EVC: variants seen among roughly 807,000 people sequenced by gnomAD.
EVC encodes evC complex member EVC.
In EVC, 116 loss-of-function variants were observed where a neutral mutation model predicts 118.9. The observed-to-expected ratio is 0.98, with a 90% confidence interval of 0.84 to 1.14. The LOEUF is 1.14. Among genes scored for constraint, EVC ranks in the 50% most tolerant of loss-of-function variants. The pLI is 0.00. For synonymous variants in EVC, 619 were observed against 534.7 expected (o/e 1.16, Z -2.18); for missense variants, 1,401 against 1,246.4 (o/e 1.12, Z -1.87).
At chr4:5,821,029 C>G in the EVC span, 5 of 152,256 alleles carry the variant, frequency 3.3e-5, no homozygotes, top group African/African-American at 1.2e-4. This position sits in a 1 kb window ranked among gnomAD's most constrained non-coding sequence, Gnocchi z 4.4. Context: ...GAGTGTGAAC[C>G]TGGCTCGGCC....
rs1717008031 is a variant in EVC at position 5,812,130 on chromosome 4, C to T, written c.*1093C>T. 1 of 143,798 alleles carries T rather than the reference C, an allele frequency of 7.0e-6. No individual in the cohort carries two copies. The highest frequency in any genetic ancestry group is 2.1e-4 in the East Asian group (1 of 4,820). 8.9% of individuals were successfully genotyped at this position (143,798 alleles called of 1,614,324 possible). A position where few individuals can be genotyped will look rare whatever the true frequency, so the allele number is the denominator to read the frequency against. On this transcript the variant is annotated 3_prime_UTR_variant, in exon 21 of 21. Transcript: ENST00000264956. Reference sequence around the variant, plus strand: ...GAGGCCTTTCCCACCTGGAGAGAAACTTCCAGACCAGCCCCTCATACCACA... The same window carrying T: ...GAGGCCTTTCCCACCTGGAGAGAAATTTCCAGACCAGCCCCTCATACCACA...
Position 5,810,216 on chromosome 4 carries a change from C to A in EVC, c.2783-123C>A, listed in dbSNP as rs566085706. 188 of 768,758 alleles carry A rather than the reference C, an allele frequency of 2.4e-4. 2 individuals carry two copies. The African/African-American group carries it at 3.0e-3, about 12-fold the overall frequency. The allele number at this position is 768,758 out of a possible 1,614,324, so 47.6% of individuals were successfully genotyped here. On this transcript the variant is annotated intron_variant, in intron 19 of 20. Transcript: ENST00000264956. Reference sequence around the variant, plus strand: ...GAGTGGCTGCAATAGCATAAGATACCAAGCATACACTTGGCCCACACAACA... The same window carrying A: ...GAGTGGCTGCAATAGCATAAGATACAAAGCATACACTTGGCCCACACAACA...
chr4:5,796,477 T>G (rs1713985995), intron 13 of EVC, among the ~76,000 whole-genome samples: 1 of 152,060 alleles, frequency 6.6e-6, no homozygotes, highest in African/African-American at 2.4e-5. Flanking sequence ...TGTTGGAATT[T>G]AGCTGATTCT....
At position 5,739,132 on chromosome 4, in the gene EVC, C is replaced by T. The variant is rs991325553; in HGVS notation, c.703-2584C>T. Among the ~76,000 whole-genome samples, 72 of 152,056 alleles carry T rather than the reference C, an allele frequency of 4.7e-4. 1 individual carries two copies. The highest frequency in any genetic ancestry group is 1.6e-3 in the African/African-American group (65 of 41,398). Reference sequence around the variant, plus strand: ...TGGTATGCTTGTATTATTTTTGTACCTTCATTTGAATCTATAACTATCTCA... The same window carrying T: ...TGGTATGCTTGTATTATTTTTGTACTTTCATTTGAATCTATAACTATCTCA... On this transcript the variant is annotated intron_variant, in intron 5 of 20. Transcript: ENST00000264956.
At chr4:5,822,493 AGGGG>A in the EVC span, among the ~76,000 whole-genome samples, 3 of 134,050 alleles carry the variant, frequency 2.2e-5, no homozygotes, top group African/African-American at 7.6e-5. Context: ...GTGGATCTGA[AGGGG>A]GGGGGGGTGG....
the EVC span, chr4:5,826,677 GTGTTCAGGGACC>G: frequency 1.3e-5 from 2 of 152,342 alleles, no homozygotes; most frequent in Non-Finnish European, 2.9e-5. Flanking sequence ...AGAACAGCAT[GTGTTCAGGGACC>G]TGTACAGGGT....
At chr4:5,770,820 CG>C (rs1179326497) in intron 11 of EVC, among the ~76,000 whole-genome samples, 1 of 151,992 alleles carries the variant, frequency 6.6e-6, no homozygotes, top group Admixed American at 6.5e-5. Flanking sequence ...AAGACCAGCC[CG>C]GCCAACATGG....
the EVC span, chr4:5,826,884 C>G: frequency 6.5e-6 from 1 of 152,856 alleles, no homozygotes; most frequent in Non-Finnish European, 1.5e-5. Context: ...AGTTTAAAGA[C>G]CCAGCACCTG....
At position 5,724,063 on chromosome 4, in the gene EVC, GT is replaced by G. The variant is rs1265595251; in HGVS notation, c.300+4691del. Among the ~76,000 whole-genome samples, 3 of 152,214 alleles carry G rather than the reference GT, an allele frequency of 2.0e-5. No individual in the cohort carries two copies. The East Asian group carries it at 5.8e-4, about 29-fold the overall frequency. The stretch of plus-strand genomic sequence containing the variant: ...TCCCACAGGGAGAATGAATTGGAAG[GT>G]GTTAACCTCTGATCCTCAGTTCGCA... On this transcript the variant is annotated intron_variant, in intron 2 of 20. Coordinates refer to ENST00000264956, the MANE Select transcript of EVC (RefSeq NM_153717.3).
At chr4:5,782,682 A>T (rs1310575397) in intron 11 of EVC, among the ~76,000 whole-genome samples, 1 of 151,740 alleles carries the variant, frequency 6.6e-6, no homozygotes, top group Admixed American at 6.6e-5. Flanking sequence ...CAACAGAATG[A>T]TAAGACAAGA....
chr4:5,750,878 A>G (rs1044376204), intron 8 of EVC, among the ~76,000 whole-genome samples: 1 of 152,204 alleles, frequency 6.6e-6, no homozygotes, highest in Non-Finnish European at 1.5e-5. Context: ...ACCAAAGGGA[A>G]AAAAGATGGC....
chr4:5,804,699 C>A (rs756379928), intron 16 of EVC, 31 bp from the exon 17 acceptor site: 8 of 1,598,584 alleles, frequency 5.0e-6, no homozygotes, highest in Non-Finnish European at 6.9e-6. Flanking sequence ...TCCAAACAGA[C>A]CCCTTGATTG....
intron 18 of EVC, among the ~76,000 whole-genome samples, chr4:5,808,658 G>C (rs1469929939): frequency 6.6e-6 from 1 of 152,228 alleles, no homozygotes; most frequent in South Asian, 2.1e-4. Flanking sequence ...GGAGGCTTCC[G>C]GTGTAATGGT....
intron 1 of EVC, among the ~76,000 whole-genome samples, chr4:5,715,813 G>A (rs1386106570): frequency 1.4e-5 from 2 of 138,916 alleles, no homozygotes; most frequent in South Asian, 2.3e-4. Flanking sequence ...GTGCAATCTC[G>A]GCTCACTGCA....
intron 11 of EVC, among the ~76,000 whole-genome samples, chr4:5,774,783 C>T (rs1472028995): frequency 6.6e-6 from 1 of 152,280 alleles, no homozygotes; most frequent in East Asian, 1.9e-4. Flanking sequence ...CAGAGTTCCA[C>T]TGTGTCCTGA....
At position 5,789,388 on chromosome 4, in the gene EVC, G is replaced by C. The variant is rs1248266403; in HGVS notation, c.1777-4220G>C. ...TTACTCTGTCCTGCTCCTGGTCTTT[G>C]CTCCATGTCACCTTCACAGCAAGGC... is the stretch of plus-strand genomic sequence containing the variant. On this transcript the variant is annotated intron_variant, in intron 12 of 20. Transcript: ENST00000264956. The surrounding 1 kb of genome is among the most constrained non-coding windows in gnomAD (Gnocchi z 4.3). 6.6e-6 allele frequency among the ~76,000 whole-genome samples: 1 copy of C among 152,062 alleles called. No homozygotes were observed. The highest frequency in any genetic ancestry group is 1.5e-5 in the Non-Finnish European group (1 of 68,026).
In EVC at chr4:5,789,960, C is replaced by A. The variant is rs1481303273; in HGVS notation, c.1777-3648C>A. ...CCTTGGGAGGCCAAGGCAGGTAGAT[C>A]ACCTGAGATCAAGAGTTCGAGACCA... is the stretch of plus-strand genomic sequence containing the variant. On this transcript the variant is annotated intron_variant, in intron 12 of 20. Coordinates refer to ENST00000264956, the MANE Select transcript of EVC (RefSeq NM_153717.3). The surrounding 1 kb of genome is among the most constrained non-coding windows in gnomAD (Gnocchi z 4.3). 6.6e-6 allele frequency among the ~76,000 whole-genome samples: 1 copy of A among 152,120 alleles called. No individual in the cohort carries two copies. Among genetic ancestry groups the A allele is most frequent in the African/African-American group, 2.4e-5 (1 of 41,424 alleles).
chr4:5,734,846 G>A (rs907181792), intron 5 of EVC, among the ~76,000 whole-genome samples: 1 of 152,168 alleles, frequency 6.6e-6, no homozygotes, highest in Non-Finnish European at 1.5e-5. Context: ...CTGGATGGGG[G>A]CCACCAGGCA....
rs574471009 is a variant in EVC, at chr4:5,768,815, C to T, written c.1563+12453C>T. ...GAGGTTGCAGTGAGGCGAGATCACA[C>T]CACTGTACTCTAGCCTGGTGACAGA... On this transcript the variant is annotated intron_variant, in intron 11 of 20. Coordinates refer to ENST00000264956, the MANE Select transcript of EVC (RefSeq NM_153717.3). 4.3e-4 allele frequency among the ~76,000 whole-genome samples: 65 copies of T among 151,816 alleles called. No individual in the cohort carries two copies. The South Asian group carries it at 0.013, about 31-fold the overall frequency.
Sources: gnomAD v4.1 joint callset for allele counts (sites outside exome capture counted in the v4.1 genomes callset) on GRCh38, gnomAD v4.1.1 for gene constraint, Gnocchi (gnomAD v3.1) non-coding constraint, MANE v1.5 for transcripts, NCBI Gene and HGNC (gene_info 2026-07-23, HGNC 2026-07-21) for gene names.